Variants in RFX5 observed in about 807,000 individuals in gnomAD.
RFX5 encodes DNA-binding protein RFX5.
In RFX5, 30 loss-of-function variants were observed where a neutral mutation model predicts 41.2. The observed-to-expected ratio is 0.73, with a 90% confidence interval of 0.54 to 0.99. RFX5 has a LOEUF of 0.99. RFX5 is among the 50% of genes least tolerant of loss of function. The probability of loss-of-function intolerance (pLI) is 0.00; values close to 1 mark genes in which losing one functional copy is unlikely to be tolerated. For missense variants in RFX5, 715 were observed against 773.6 expected, an observed-to-expected ratio of 0.92 and a Z score of 0.90; for synonymous variants, 231 against 291.8, an observed-to-expected ratio of 0.79 and a Z score of 2.12.
At position 151,344,525 on chromosome 1, in the gene RFX5, T is replaced by C; in HGVS notation, c.365A>G (p.Glu122Gly). 6.2e-7 allele frequency: 1 copy of C among 1,614,212 alleles called. No individual in the cohort carries two copies. The highest frequency in any genetic ancestry group is 8.5e-7 in the Non-Finnish European group (1 of 1,180,040). Residue 122 changes from glutamate to glycine, a missense_variant, in exon 7 of 11, where the codon GAG (glutamate) becomes GGG (glycine). Glu to Gly is a moderately conservative substitution (Grantham distance 98). Coordinates refer to ENST00000452671, the MANE Select transcript of RFX5 (RefSeq NM_001025603.2). The part of the protein sequence containing the change: ...SVYDAYRKYC[E>G]SLACCRPLST... ...GAGTGGGCGGCAACAGGCAAGACTC[T>C]CACAGTACTTCCTGAGTGAGAGGGG...
At position 151,341,500 on chromosome 1, in the gene RFX5, T is replaced by C. The variant is rs1230935929; in HGVS notation, c.*686A>G. On this transcript the variant is annotated 3_prime_UTR_variant, in exon 11 of 11. Transcript: ENST00000452671. ...TTCCCCAAAGGTGTTGTCCATGATA[T>C]AGAATAAGCAAATTAGCATGTATCA... 6.4e-6 allele frequency: 1 copy of C among 157,432 alleles called. No homozygotes were observed. Among genetic ancestry groups the C allele is most frequent in the East Asian group, 1.9e-4 (1 of 5,326 alleles). 9.8% of individuals were successfully genotyped at this position (157,432 alleles called of 1,614,324 possible). A position where few individuals can be genotyped will look rare whatever the true frequency, so the allele number is the denominator to read the frequency against.
At chr1:151,344,151 TTACCTGGGAG>T in intron 8 of RFX5, 36 bp downstream of exon 8, 1 of 1,594,156 alleles carries the variant, frequency 6.3e-7, no homozygotes, top group Non-Finnish European at 8.6e-7. Flanking sequence ...CCTCTGACTT[TTACCTGGGAG>T]AGAAGAGTGG....
intron 5 of RFX5, 117 bp downstream of exon 5, chr1:151,344,988 AC>A: frequency 6.5e-7 from 1 of 1,544,570 alleles, no homozygotes; most frequent in Non-Finnish European, 8.9e-7. Flanking sequence ...CAGGGCGAGG[AC>A]CTTTCCTCTT....
Position 151,342,588 on chromosome 1 carries a change from A to C in RFX5, c.1449T>G (p.Pro483=). Residue 483 remains proline (P), a synonymous_variant, in exon 11 of 11, where the codon CCT becomes CCG. Coordinates refer to ENST00000452671, the MANE Select transcript of RFX5 (RefSeq NM_001025603.2). ...SGGSGERNST[P]LKSAAAMESA... is the part of the protein sequence containing the mutation. ...ATTCCATGGCAGCTGCTGACTTGAG[A>C]GGGGTAGAATTCCTTTCCCCACTTC... is the stretch of plus-strand genomic sequence containing the variant. 1 of 1,614,110 alleles carries C rather than the reference A, an allele frequency of 6.2e-7. No individual in the cohort carries two copies. The highest frequency in any genetic ancestry group is 8.5e-7 in the Non-Finnish European group (1 of 1,180,018).
In RFX5 at chr1:151,346,210, G is replaced by T. The variant is rs775878732; in HGVS notation, c.111C>A (p.Thr37=). 6.2e-7 allele frequency: 1 copy of T among 1,613,990 alleles called. No homozygotes were observed. Among genetic ancestry groups the T allele is most frequent in the East Asian group, 2.2e-5 (1 of 44,878 alleles). The change falls in exon 3 of 11, where the codon ACC becomes ACA. Residue 37 remains threonine (T), a synonymous_variant. Transcript: ENST00000452671. ...PTTLLQRLRG[T]ISKAVQNKVE... is the part of the protein sequence containing the mutation. ...GAGATGTGATGAGTACTTACGAAATGGTACCTCGGAGCCTCTGAAGAAGGG... is the reference window on the plus strand; with the variant it reads ...GAGATGTGATGAGTACTTACGAAATTGTACCTCGGAGCCTCTGAAGAAGGG...
chr1:151,346,477 C>T lies in RFX5; in HGVS notation c.-14+12G>A. On this transcript the variant is annotated intron_variant, in intron 2 of 10. Coordinates refer to ENST00000452671, the MANE Select transcript of RFX5 (RefSeq NM_001025603.2). ...TCCGAATTTCCCCGGTGGTCTTTTT[C>T]TCACCACTTGCCTTCTCCGAAAATT... The T allele has an allele frequency of 1.6e-6, 1 of 640,260 alleles. No individual in the cohort carries two copies. Among genetic ancestry groups the T allele is most frequent in the South Asian group, 1.9e-5 (1 of 53,712 alleles). The allele number at this position is 640,260 out of a possible 1,614,324, so 39.7% of individuals were successfully genotyped here. A position where few individuals can be genotyped will look rare whatever the true frequency, so the allele number is the denominator to read the frequency against.
chr1:151,344,703 TCCC>T, intron 6 of RFX5, 22 bp downstream of exon 6: 5 of 1,515,612 alleles, frequency 3.3e-6, no homozygotes, highest in Non-Finnish European at 4.5e-6. Context: ...AATCCACTCA[TCCC>T]ACCACCCACC....
chr1:151,346,640 A>G (rs1339956924), intron 1 of RFX5, 34 bp from the exon 2 acceptor site: 3 of 324,748 alleles, frequency 9.2e-6, no homozygotes, highest in Non-Finnish European at 1.8e-5. Flanking sequence ...TTGGGAATCC[A>G]TGTTAGCAAG....
Position 151,343,722 on chromosome 1 carries a change from C to G in RFX5, c.716G>C (p.Arg239Pro). Residue 239 changes from arginine (R) to proline (P), a missense_variant, in exon 9 of 11, where the codon CGA becomes CCA. Coordinates refer to ENST00000452671, the MANE Select transcript of RFX5 (RefSeq NM_001025603.2). ...CTTAAGCACATGGGCATGTGCAGAT[C>G]GGGCAGAGATGAGATGCTGCTGTAG... ...FLLQQHLISA[R>P]SAHAHVLKAM... 6.2e-7 allele frequency: 1 copy of G among 1,614,044 alleles called. No homozygotes were observed.
Position 151,342,789 on chromosome 1 carries a change from C to A in RFX5, c.1248G>T (p.Glu416Asp). ...GTCCTTGGTCACCACCTATGCCTACCTCTCTGTTCTCTGTGCCCCGGGGCT... is the reference window on the plus strand; with the variant it reads ...GTCCTTGGTCACCACCTATGCCTACATCTCTGTTCTCTGTGCCCCGGGGCT... ...LTQPRGTENR[E>D]VGIGGDQGPH... Residue 416 changes from glutamate (E) to aspartate (D), a missense_variant, in exon 11 of 11, where the codon GAG (glutamate) becomes GAT (aspartate). Physicochemically the swap from Glu to Asp is conservative, Grantham distance 45. Transcript: ENST00000452671. The A allele has an allele frequency of 1.9e-6, 3 of 1,614,170 alleles. No individual in the cohort carries two copies. Among genetic ancestry groups the A allele is most frequent in the South Asian group, 2.2e-5 (2 of 91,088 alleles).
chr1:151,346,897 T>C, intron 1 of RFX5: 1 of 154,886 alleles, frequency 6.5e-6, no homozygotes, highest in Admixed American at 6.4e-5. Context: ...CGCCGGCCCC[T>C]ACGTCATCTC....
chr1:151,344,337 A>G, intron 7 of RFX5, 59 bp from the exon 8 acceptor site: 1 of 1,613,520 alleles, frequency 6.2e-7, no homozygotes, highest in Non-Finnish European at 8.5e-7. Flanking sequence ...CGAGCAAGTT[A>G]AGCTGTTCCA....
In RFX5 at chr1:151,343,191, G is replaced by C. The variant is rs774653892; in HGVS notation, c.859-13C>G. 5.0e-6 allele frequency: 8 copies of C among 1,610,924 alleles called. No homozygotes were observed. In the Admixed American group the frequency reaches 5.0e-5, roughly 10 times the overall value. ...GATCCTTAGGAGGCTAAAAAGTAAA[G>C]AGAGGAACACAGTAAGGTGTGAAGA... On this transcript the variant is annotated splice_polypyrimidine_tract_variant and intron_variant, in intron 10 of 10. Transcript: ENST00000452671.
Position 151,344,187 on chromosome 1 carries a change from T to A in RFX5, c.555+10A>T, listed in dbSNP as rs758385968. On this transcript the variant is annotated intron_variant, in intron 8 of 10. Coordinates refer to ENST00000452671, the MANE Select transcript of RFX5 (RefSeq NM_001025603.2). ...AGAAGAGTGGAATTGGAAGGTGATT[T>A]GGTACTTACACTCTCAGAACCCTTT... is the stretch of plus-strand genomic sequence containing the variant. 6.2e-7 allele frequency: 1 copy of A among 1,613,828 alleles called. No homozygotes were observed. The highest frequency in any genetic ancestry group is 8.5e-7 in the Non-Finnish European group (1 of 1,179,696).
rs763805383 is a variant in RFX5, at chr1:151,342,042, T to A, written c.*144A>T. The A allele has an allele frequency of 2.5e-5, 29 of 1,172,484 alleles. No homozygotes were observed. Among genetic ancestry groups the A allele is most frequent in the Non-Finnish European group, 3.5e-5 (28 of 792,080 alleles). 72.6% of individuals were successfully genotyped at this position (1,172,484 alleles called of 1,614,324 possible). On this transcript the variant is annotated 3_prime_UTR_variant, in exon 11 of 11. Transcript: ENST00000452671. ...TCAGAGGCAGCAACCAGGTACTAAG[T>A]AGACTGGGTGACTCAGCTGTCTGTA...
intron 5 of RFX5, 43 bp from the exon 6 acceptor site, chr1:151,344,890 T>C: frequency 6.2e-7 from 1 of 1,614,112 alleles, no homozygotes; most frequent in South Asian, 1.1e-5. Context: ...ACCCTAACAG[T>C]TGTCCTGGTT....
At position 151,344,774 on chromosome 1, in the gene RFX5, G is replaced by C; in HGVS notation, c.307C>G (p.His103Asp). 1 of 1,586,974 alleles carries C rather than the reference G, an allele frequency of 6.3e-7. No individual in the cohort carries two copies. The highest frequency in any genetic ancestry group is 8.6e-7 in the Non-Finnish European group (1 of 1,162,890). The change falls in exon 6 of 11, where the codon CAC becomes GAC. Residue 103 changes from histidine to aspartate, a missense_variant. Transcript: ENST00000452671. ...YRWIRNHLEE[H>D]TDTCLPKQSV... is the part of the protein sequence containing the mutation. ...TGCTTTGGCAGACAGGTGTCAGTGT[G>C]CTCTTCCAGGTGGTTGCGGATCCAC...
At chr1:151,344,386 C>T (rs1479702572) in intron 7 of RFX5, 31 bp downstream of exon 7, 1 of 1,614,214 alleles carries the variant, frequency 6.2e-7, no homozygotes, top group East Asian at 2.2e-5. Flanking sequence ...CTCCCAGGTC[C>T]TCCACCCCCA....
Position 151,342,649 on chromosome 1 carries a change from T to C in RFX5, c.1388A>G (p.Lys463Arg), listed in dbSNP as rs1650563213. ...TTTTCGAGGGCGCCCCCGTTTCCTT[T>C]TGGCATCACTTGCTGTATCCTCTAT... Reference protein sequence around the residue: ...QDIEDTASDAKRKRGRPRKKS... With the variant: ...QDIEDTASDARRKRGRPRKKS... The change falls in exon 11 of 11, where the codon AAA becomes AGA. Residue 463 changes from lysine to arginine, a missense_variant. Lys to Arg is a conservative substitution (Grantham distance 26). Transcript: ENST00000452671. 2 of 1,614,114 alleles carry C rather than the reference T, an allele frequency of 1.2e-6. No homozygotes were observed. Among genetic ancestry groups the C allele is most frequent in the Non-Finnish European group, 1.7e-6 (2 of 1,180,050 alleles).
Sources: gnomAD v4.1 joint callset for allele counts on GRCh38, gnomAD v4.1.1 for gene constraint, MANE v1.5 for transcripts, NCBI Gene and HGNC (gene_info 2026-07-23, HGNC 2026-07-21) for gene names.